The following SAMD5 variants were observed in gnomAD, a reference collection of about 807,000 sequenced individuals.
The protein encoded by SAMD5 is sterile alpha motif domain-containing protein 5.
SAMD5 carries 13 observed loss-of-function variants against 11.3 expected under a neutral mutation model. That is an observed-to-expected ratio of 1.15 (90% CI 0.75 to 1.83). The LOEUF (loss-of-function observed/expected upper bound fraction) is 1.83. Among genes scored for constraint, SAMD5 ranks in the 40% most tolerant of loss-of-function variants. The pLI is 0.00. For missense variants in SAMD5, 255 were observed against 239.1 expected, an observed-to-expected ratio of 1.07 and a Z score of -0.44; for synonymous variants, 129 against 111.3, an observed-to-expected ratio of 1.16 and a Z score of -1.00.
chr6:147,945,792 G>A, the SAMD5 span, among the ~76,000 whole-genome samples: 1 of 152,184 alleles, frequency 6.6e-6, no homozygotes. Context: ...TCATATAAAT[G>A]TGACTGTGTT....
At chr6:147,615,557 T>G (rs1259790314) in intron 1 of SAMD5, among the ~76,000 whole-genome samples, 1 of 152,202 alleles carries the variant, frequency 6.6e-6, no homozygotes, top group Non-Finnish European at 1.5e-5. Context: ...AAGATATTAC[T>G]TATTTTGAGG....
intron 1 of SAMD5, among the ~76,000 whole-genome samples, chr6:147,665,864 C>T (rs758450862): frequency 2.0e-5 from 3 of 152,150 alleles, no homozygotes; most frequent in Non-Finnish European, 4.4e-5. Context: ...TTCTCCTAGG[C>T]TGCTTATGTA....
At chr6:147,767,851 A>G in the SAMD5 span, among the ~76,000 whole-genome samples, 917 of 152,366 alleles carry the variant, frequency 6.0e-3, 5 homozygotes, top group Middle Eastern at 0.041. Context: ...GCCCTTTACA[A>G]TTGAAGGCTA....
intron 1 of SAMD5, among the ~76,000 whole-genome samples, chr6:147,656,433 C>A (rs890855102): frequency 6.6e-6 from 1 of 152,070 alleles, no homozygotes; most frequent in Non-Finnish European, 1.5e-5. Flanking sequence ...AAAGCAAAGA[C>A]GTTAAAAGAC....
At chr6:147,689,779 CTT>C (rs752455119) in intron 1 of SAMD5, among the ~76,000 whole-genome samples, 1 of 152,144 alleles carries the variant, frequency 6.6e-6, no homozygotes, top group South Asian at 2.1e-4. Flanking sequence ...TGATTTCACT[CTT>C]TGTTGAAATT....
Position 147,584,554 on chromosome 6 carries a change from C to T in SAMD5, c.162+75167C>T, listed in dbSNP as rs374385797. Among the ~76,000 whole-genome samples, 58 of 152,290 alleles carry T rather than the reference C, an allele frequency of 3.8e-4. 1 individual carries two copies. The highest frequency in any genetic ancestry group is 1.3e-3 in the African/African-American group (55 of 41,558). On this transcript the variant is annotated intron_variant, in intron 1 of 1. Transcript: ENST00000566741. ...GGCTGCCCTGGCCTCACCACCATTG[C>T]CTTGGCCAGTTCCTAGCCCATAGTC...
the SAMD5 span, among the ~76,000 whole-genome samples, chr6:147,816,955 C>G: frequency 6.7e-6 from 1 of 150,254 alleles, no homozygotes; most frequent in African/African-American, 2.5e-5. Context: ...AAAAAAAAAA[C>G]AGGCAAAGAT....
At chr6:147,729,665 C>T in intron 1 of SAMD5, 1 of 407,396 alleles carries the variant, frequency 2.5e-6, no homozygotes, top group Non-Finnish European at 4.9e-6. Context: ...CAAGGGAGGA[C>T]TCAAAGAGAA....
chr6:147,935,615 G>GA, the SAMD5 span, among the ~76,000 whole-genome samples: 1 of 140,920 alleles, frequency 7.1e-6, no homozygotes, highest in Non-Finnish European at 1.5e-5. Flanking sequence ...GGTTTTTTAA[G>GA]AAAAAAAGAA....
intron 1 of SAMD5, among the ~76,000 whole-genome samples, chr6:147,683,371 T>G (rs1246481990): frequency 1.3e-5 from 2 of 152,260 alleles, no homozygotes; most frequent in East Asian, 3.8e-4. Flanking sequence ...TAAAAATTAT[T>G]GAGGACTCTA....
the SAMD5 span, among the ~76,000 whole-genome samples, chr6:147,890,212 C>T: frequency 6.6e-6 from 1 of 151,828 alleles, no homozygotes; most frequent in Non-Finnish European, 1.5e-5. Context: ...ATAAACAAAA[C>T]ATAAATCATT....
chr6:147,516,466 T>C (rs1452560725), intron 1 of SAMD5, among the ~76,000 whole-genome samples: 1 of 152,170 alleles, frequency 6.6e-6, no homozygotes, highest in South Asian at 2.1e-4. Flanking sequence ...AACTAGTGAT[T>C]ACCACATAGG....
the SAMD5 span, among the ~76,000 whole-genome samples, chr6:147,869,267 C>T: frequency 6.6e-6 from 1 of 152,198 alleles, no homozygotes; most frequent in Non-Finnish European, 1.5e-5. Context: ...TCAGCTGATG[C>T]TGTGGCCCTT....
chr6:147,763,630 G>T, the SAMD5 span, among the ~76,000 whole-genome samples: 1 of 151,968 alleles, frequency 6.6e-6, no homozygotes, highest in Non-Finnish European at 1.5e-5. Context: ...GCCCAGGCTG[G>T]AGTGCAGTGG....
chr6:147,803,195 A>G, the SAMD5 span, among the ~76,000 whole-genome samples: 1 of 139,570 alleles, frequency 7.2e-6, no homozygotes, highest in Non-Finnish European at 1.5e-5. Context: ...TACATAGATC[A>G]TGTTGAGTAA....
At chr6:147,772,793 C>T in the SAMD5 span, among the ~76,000 whole-genome samples, 1 of 152,200 alleles carries the variant, frequency 6.6e-6, no homozygotes, top group African/African-American at 2.4e-5. Context: ...AAGGACATAT[C>T]TCCAAATACA....
chr6:147,821,671 T>C, the SAMD5 span, among the ~76,000 whole-genome samples: 2 of 152,232 alleles, frequency 1.3e-5, no homozygotes, highest in Non-Finnish European at 2.9e-5. Context: ...ATTTTCACTT[T>C]AGTTTTCCAG....
intron 1 of SAMD5, among the ~76,000 whole-genome samples, chr6:147,609,923 T>C (rs1333786368): frequency 2.0e-5 from 3 of 152,190 alleles, no homozygotes; most frequent in African/African-American, 7.2e-5. Context: ...TTTTTTTTAT[T>C]TTTGAGATAC....
intron 1 of SAMD5, among the ~76,000 whole-genome samples, chr6:147,652,042 GATAA>G (rs897715539): frequency 6.6e-6 from 1 of 152,146 alleles, no homozygotes; most frequent in African/African-American, 2.4e-5. Flanking sequence ...TCACAATACT[GATAA>G]ATAAAAGATC....
Sources: gnomAD v4.1 joint callset for allele counts (sites outside exome capture counted in the v4.1 genomes callset) on GRCh38, gnomAD v4.1.1 for gene constraint, MANE v1.5 for transcripts, NCBI Gene and HGNC (gene_info 2026-07-23, HGNC 2026-07-21) for gene names.